Variants in SLC7A14 observed in about 807,000 individuals in gnomAD.
SLC7A14 encodes the protein gamma-aminobutyric acid transporter SLC7A14.
SLC7A14 carries 37 observed loss-of-function variants against 60.2 expected under a neutral mutation model. The ratio of observed to expected loss-of-function variants is 0.61; its 90% CI spans 0.47 to 0.81. The LOEUF is 0.81. SLC7A14 is among the 30% of genes least tolerant of loss of function. The pLI is 0.00. For synonymous variants in SLC7A14, 399 were observed against 395.8 expected, an observed-to-expected ratio of 1.01 and a Z score of -0.10; for missense variants, 886 against 982.7, an observed-to-expected ratio of 0.90 and a Z score of 1.32.
intron 1 of SLC7A14, among the ~76,000 whole-genome samples, chr3:170,551,190 G>A (rs1714339461): frequency 6.6e-6 from 1 of 152,078 alleles, no homozygotes; most frequent in Admixed American, 6.5e-5. Context: ...TCATAACGTT[G>A]TCAAAGTTCA....
At chr3:170,528,426 G>A (rs902299398) in intron 1 of SLC7A14, among the ~76,000 whole-genome samples, 15 of 152,162 alleles carry the variant, frequency 9.9e-5, no homozygotes, top group Admixed American at 6.5e-4. Flanking sequence ...ATAGCCAGAC[G>A]TTGATTCCAA....
intron 1 of SLC7A14, among the ~76,000 whole-genome samples, chr3:170,573,625 A>T (rs1288584433): frequency 6.6e-6 from 1 of 152,254 alleles, no homozygotes; most frequent in Non-Finnish European, 1.5e-5. Context: ...GGGGCTGCAT[A>T]AAGACTAGAT....
In SLC7A14 at chr3:170,561,741, C is replaced by T. The variant is rs142923926; in HGVS notation, c.-153+24170G>A. Among the ~76,000 whole-genome samples, 347 of 152,200 alleles carry T rather than the reference C, an allele frequency of 2.3e-3. 1 individual carries two copies. Among genetic ancestry groups the T allele is most frequent in the African/African-American group, 7.9e-3 (330 of 41,526 alleles). The stretch of plus-strand genomic sequence containing the variant: ...GGAGAAAATCTTCACAATCTATACA[C>T]CTGGCAAAGGACTAATATCCAGAAT... On this transcript the variant is annotated intron_variant, in intron 1 of 7. Coordinates refer to ENST00000231706, the MANE Select transcript of SLC7A14 (RefSeq NM_020949.3).
At chr3:170,512,703 G>A (rs1406339470) in intron 2 of SLC7A14, among the ~76,000 whole-genome samples, 3 of 110,182 alleles carry the variant, frequency 2.7e-5, no homozygotes, top group African/African-American at 1.0e-4. Flanking sequence ...TCGCTCTGTC[G>A]CCCAGGCTGG....
At chr3:170,567,461 G>A (rs1201901339) in intron 1 of SLC7A14, among the ~76,000 whole-genome samples, 4 of 151,472 alleles carry the variant, frequency 2.6e-5, no homozygotes, top group Non-Finnish European at 4.4e-5. Context: ...TAGTGCCGCA[G>A]TAAACATACG....
chr3:170,512,011 A>C (rs951857000), intron 2 of SLC7A14, among the ~76,000 whole-genome samples: 1 of 152,182 alleles, frequency 6.6e-6, no homozygotes, highest in Non-Finnish European at 1.5e-5. Context: ...CAGAAAAGGA[A>C]AGGAGACTTG....
chr3:170,510,845 G>A (rs1270227875), intron 2 of SLC7A14, among the ~76,000 whole-genome samples: 2 of 152,194 alleles, frequency 1.3e-5, no homozygotes, highest in African/African-American at 4.8e-5. Context: ...CACTACAAAA[G>A]GGAAAGGTGA....
chr3:170,583,191 A>G (rs541715863), intron 1 of SLC7A14, among the ~76,000 whole-genome samples: 1 of 152,308 alleles, frequency 6.6e-6, no homozygotes, highest in South Asian at 2.1e-4. Context: ...AAGAGGAGAT[A>G]TAGACAAGAT....
chr3:170,497,438 G>C (rs570105440), intron 4 of SLC7A14, among the ~76,000 whole-genome samples: 18 of 125,854 alleles, frequency 1.4e-4, no homozygotes, highest in African/African-American at 6.5e-4. Flanking sequence ...GGCGTGGTTC[G>C]GAATAAACAA....
At chr3:170,578,459 A>C (rs1715156163) in intron 1 of SLC7A14, among the ~76,000 whole-genome samples, 1 of 152,246 alleles carries the variant, frequency 6.6e-6, no homozygotes, top group East Asian at 1.9e-4. Flanking sequence ...CACATCAGCT[A>C]TCTATCTGTC....
intron 4 of SLC7A14, among the ~76,000 whole-genome samples, chr3:170,487,318 C>T (rs988924845): frequency 6.6e-6 from 1 of 151,094 alleles, no homozygotes; most frequent in Non-Finnish European, 1.5e-5. Context: ...TTCCCCACCT[C>T]AGTATTTTCA....
intron 4 of SLC7A14, among the ~76,000 whole-genome samples, chr3:170,490,460 A>T (rs1195275825): frequency 6.6e-6 from 1 of 152,240 alleles, no homozygotes; most frequent in Non-Finnish European, 1.5e-5. Flanking sequence ...CACAACAACC[A>T]TATAAATTTG....
At chr3:170,502,975 C>T (rs955699424) in intron 2 of SLC7A14, 2 of 152,218 alleles carry the variant, frequency 1.3e-5, no homozygotes, top group South Asian at 4.1e-4. Flanking sequence ...TCTAGGATTC[C>T]ATCTGTTATA....
intron 2 of SLC7A14, among the ~76,000 whole-genome samples, chr3:170,504,603 A>T (rs1712715040): frequency 6.6e-6 from 1 of 152,146 alleles, no homozygotes. Context: ...TTACAGCGTG[A>T]GCCACTGCGC....
At chr3:170,494,847 C>T (rs1712330560) in intron 4 of SLC7A14, among the ~76,000 whole-genome samples, 1 of 152,100 alleles carries the variant, frequency 6.6e-6, no homozygotes, top group Non-Finnish European at 1.5e-5. Flanking sequence ...GATTTATTAC[C>T]TTACTACTTA....
intron 1 of SLC7A14, among the ~76,000 whole-genome samples, chr3:170,571,356 T>C (rs1047694283): frequency 6.6e-5 from 10 of 152,376 alleles, no homozygotes; most frequent in African/African-American, 2.4e-4. Flanking sequence ...AGGGCAAATC[T>C]GTCTTTCACA....
intron 2 of SLC7A14, among the ~76,000 whole-genome samples, chr3:170,522,659 G>A (rs1560268444): frequency 6.6e-6 from 1 of 152,192 alleles, no homozygotes; most frequent in African/African-American, 2.4e-5. Context: ...TAACTACAAA[G>A]AGGCAGCCTG....
chr3:170,466,798 A>T lies in SLC7A14; in HGVS notation c.*257T>A, dbSNP rs1186098052. 1 of 396,640 alleles carries T rather than the reference A, an allele frequency of 2.5e-6. No homozygotes were observed. Among genetic ancestry groups the T allele is most frequent in the African/African-American group, 2.1e-5 (1 of 48,644 alleles). 24.6% of individuals were successfully genotyped at this position (396,640 alleles called of 1,614,324 possible). Reference sequence around the variant, plus strand: ...ACCATCAGCTCTGGTGGTTGCACCTAAGATGGAATTTCATATAGCCTCTTG... The same window carrying T: ...ACCATCAGCTCTGGTGGTTGCACCTTAGATGGAATTTCATATAGCCTCTTG... On this transcript the variant is annotated 3_prime_UTR_variant, in exon 8 of 8. Coordinates refer to ENST00000231706, the MANE Select transcript of SLC7A14 (RefSeq NM_020949.3).
At chr3:170,584,242 G>T (rs1356602697) in intron 1 of SLC7A14, among the ~76,000 whole-genome samples, 1 of 152,158 alleles carries the variant, frequency 6.6e-6, no homozygotes, top group African/African-American at 2.4e-5. Flanking sequence ...GGGCTGCTTA[G>T]CGATCTTTAT....
Sources: gnomAD v4.1 joint callset for allele counts (sites outside exome capture counted in the v4.1 genomes callset) on GRCh38, gnomAD v4.1.1 for gene constraint, MANE v1.5 for transcripts, NCBI Gene and HGNC (gene_info 2026-07-23, HGNC 2026-07-21) for gene names.